Variants in KHDRBS2 observed in about 807,000 individuals in gnomAD.
The protein encoded by KHDRBS2 is KH domain-containing, RNA-binding, signal transduction-associated protein 2.
In KHDRBS2, 26 loss-of-function variants were observed where a neutral mutation model predicts 44.3. The ratio of observed to expected loss-of-function variants is 0.59; its 90% CI spans 0.43 to 0.81. The LOEUF is 0.81. KHDRBS2 is among the 40% of genes least tolerant of loss of function. KHDRBS2 has a pLI of 0.00. For synonymous variants in KHDRBS2, 194 were observed against 151.1 expected (o/e 1.28, Z -2.08); for missense variants, 476 against 433.1 (o/e 1.10, Z -0.88).
intron 3 of KHDRBS2, among the ~76,000 whole-genome samples, chr6:61,992,114 G>A (rs1409816255): frequency 6.6e-6 from 1 of 152,156 alleles, no homozygotes; most frequent in Non-Finnish European, 1.5e-5. Context: ...AATGCCAGGG[G>A]CAGAAAATAT....
intron 2 of KHDRBS2, among the ~76,000 whole-genome samples, chr6:62,057,279 C>T (rs1466886578): frequency 6.6e-6 from 1 of 151,722 alleles, no homozygotes. Flanking sequence ...TTTTTGGAGA[C>T]AACACTCTGG....
chr6:62,070,017 A>G (rs1474886146), intron 2 of KHDRBS2, among the ~76,000 whole-genome samples: 3 of 151,582 alleles, frequency 2.0e-5, no homozygotes, highest in Non-Finnish European at 4.4e-5. Context: ...TCTTACCATG[A>G]AAAGGTGTTA....
At chr6:61,659,329 A>T in the KHDRBS2 span, among the ~76,000 whole-genome samples, 1 of 151,694 alleles carries the variant, frequency 6.6e-6, no homozygotes, top group African/African-American at 2.4e-5. Flanking sequence ...ATAATCAAGT[A>T]CTCCTAGAGA....
intron 2 of KHDRBS2, among the ~76,000 whole-genome samples, chr6:62,143,421 A>G (rs1813267047): frequency 1.3e-5 from 2 of 152,020 alleles, no homozygotes; most frequent in Admixed American, 1.3e-4. Context: ...TTAATAGACA[A>G]AGACAGCAAT....
intron 2 of KHDRBS2, among the ~76,000 whole-genome samples, chr6:62,175,920 G>A (rs1219934398): frequency 6.6e-6 from 1 of 151,266 alleles, no homozygotes; most frequent in Admixed American, 6.6e-5. Context: ...TTTTTATTTA[G>A]AGGCAGGTAT....
intron 2 of KHDRBS2, among the ~76,000 whole-genome samples, chr6:62,169,038 T>TATAC (rs1819285048): frequency 7.3e-6 from 1 of 136,958 alleles, no homozygotes; most frequent in Non-Finnish European, 1.6e-5. Flanking sequence ...TCCAGTCATA[T>TATAC]ATATATATAT....
intron 3 of KHDRBS2, among the ~76,000 whole-genome samples, chr6:62,016,749 T>C (rs1781286835): frequency 1.3e-5 from 2 of 151,844 alleles, no homozygotes; most frequent in African/African-American, 4.8e-5. Flanking sequence ...AGACCTAACA[T>C]CACTGGACAC....
chr6:61,575,803 G>A, the KHDRBS2 span, among the ~76,000 whole-genome samples: 2 of 152,120 alleles, frequency 1.3e-5, no homozygotes, highest in Non-Finnish European at 2.9e-5. Flanking sequence ...GGCATCTGCA[G>A]CAACCTGGAT....
intron 7 of KHDRBS2, among the ~76,000 whole-genome samples, chr6:61,702,399 A>G (rs1768832343): frequency 6.6e-6 from 1 of 151,926 alleles, no homozygotes; most frequent in East Asian, 1.9e-4. Flanking sequence ...TACCTGCCCT[A>G]GCCTATTATG....
intron 2 of KHDRBS2, among the ~76,000 whole-genome samples, chr6:62,104,466 G>A (rs1802675557): frequency 6.6e-6 from 1 of 151,832 alleles, no homozygotes; most frequent in East Asian, 1.9e-4. Context: ...TACCATAATG[G>A]AATAAAATTG....
chr6:62,220,043 G>A (rs1168995576), intron 1 of KHDRBS2, among the ~76,000 whole-genome samples: 2 of 150,718 alleles, frequency 1.3e-5, no homozygotes, highest in Non-Finnish European at 3.0e-5. Flanking sequence ...CATACTATAA[G>A]TAGGGAAAAA....
At chr6:62,106,236 G>C (rs889239356) in intron 2 of KHDRBS2, among the ~76,000 whole-genome samples, 2 of 151,858 alleles carry the variant, frequency 1.3e-5, no homozygotes, top group African/African-American at 4.8e-5. Flanking sequence ...GTGTGATGCT[G>C]AAAAAAAATG....
intron 6 of KHDRBS2, among the ~76,000 whole-genome samples, chr6:61,893,697 A>G (rs2127331802): frequency 6.6e-6 from 1 of 152,252 alleles, no homozygotes. Flanking sequence ...GGAATTGAAC[A>G]ATGGGAACAC....
chr6:62,113,470 A>G (rs1244184140), intron 2 of KHDRBS2, among the ~76,000 whole-genome samples: 1 of 152,174 alleles, frequency 6.6e-6, no homozygotes, highest in Non-Finnish European at 1.5e-5. Flanking sequence ...TATATGAGGT[A>G]CAGAAAAATA....
chr6:62,057,917 A>G (rs766135872), intron 2 of KHDRBS2, among the ~76,000 whole-genome samples: 2 of 151,960 alleles, frequency 1.3e-5, no homozygotes, highest in Non-Finnish European at 2.9e-5. Flanking sequence ...GATTATCATA[A>G]GTGTCAGGCC....
intron 3 of KHDRBS2, among the ~76,000 whole-genome samples, chr6:62,044,079 T>G (rs1239173801): frequency 6.6e-6 from 1 of 152,070 alleles, no homozygotes; most frequent in East Asian, 1.9e-4. Flanking sequence ...TTTTTGATTT[T>G]TTTCCCTGAC....
At chr6:62,061,408 G>A (rs928344381) in intron 2 of KHDRBS2, among the ~76,000 whole-genome samples, 2 of 151,354 alleles carry the variant, frequency 1.3e-5, no homozygotes, top group African/African-American at 2.4e-5. Flanking sequence ...GTCTGTAAAG[G>A]ATTTTATTTC....
intron 2 of KHDRBS2, among the ~76,000 whole-genome samples, chr6:62,081,673 A>G (rs1228675530): frequency 2.0e-5 from 3 of 152,158 alleles, no homozygotes; most frequent in African/African-American, 7.2e-5. Flanking sequence ...TTCAAACCAG[A>G]ACATATCTTT....
the KHDRBS2 span, among the ~76,000 whole-genome samples, chr6:61,597,756 A>G: frequency 2.4e-4 from 13 of 54,256 alleles, 2 homozygotes; most frequent in South Asian, 6.5e-3. Context: ...ATATATATAT[A>G]TACATATATA....
Sources: allele counts gnomAD v4.1 joint callset (sites outside exome capture counted in the v4.1 genomes callset), GRCh38; gene constraint gnomAD v4.1.1; transcripts MANE v1.5; gene names NCBI Gene and HGNC (gene_info 2026-07-23, HGNC 2026-07-21).